Variants in IGFN1 observed in about 807,000 individuals in gnomAD.
IGFN1 encodes the protein immunoglobulin-like and fibronectin type III domain-containing protein 1.
In IGFN1, 253 loss-of-function variants were observed where a neutral mutation model predicts 289.5. The ratio of observed to expected loss-of-function variants is 0.87; its 90% CI spans 0.79 to 0.97. IGFN1 has a LOEUF of 0.97. Ranked by LOEUF, IGFN1 falls within the 50% of genes least tolerant of loss-of-function variation. The pLI is 0.00. For synonymous variants in IGFN1, 1,706 were observed against 1,788.5 expected, an observed-to-expected ratio of 0.95 and a Z score of 1.16; for missense variants, 4,470 against 4,686.1, an observed-to-expected ratio of 0.95 and a Z score of 1.35.
chr1:201,194,654 C>T (rs1666813336), intron 3 of IGFN1, among the ~76,000 whole-genome samples: 1 of 152,178 alleles, frequency 6.6e-6, no homozygotes, highest in Admixed American at 6.5e-5. Context: ...TGACTCTTCC[C>T]AATCCTCGCC....
intron 3 of IGFN1, 31 bp downstream of exon 3, chr1:201,194,304 G>A: frequency 6.5e-7 from 1 of 1,549,256 alleles, no homozygotes. Flanking sequence ...CGGAGGGGAG[G>A]CAAGATTCTT....
chr1:201,199,521 T>C, intron 6 of IGFN1, 88 bp from the exon 7 acceptor site: 1 of 1,447,934 alleles, frequency 6.9e-7, no homozygotes, highest in South Asian at 1.2e-5. Flanking sequence ...AAAGGCTCAG[T>C]TGTCAGCATG....
intron 9 of IGFN1, among the ~76,000 whole-genome samples, chr1:201,202,422 C>T (rs563360738): frequency 2.0e-5 from 3 of 152,198 alleles, no homozygotes; most frequent in African/African-American, 7.2e-5. Flanking sequence ...TGACTTGCCC[C>T]TCCCCTCACC....
chr1:201,218,765 G>A (rs1165079980), intron 18 of IGFN1, 107 bp downstream of exon 18: 1 of 1,125,484 alleles, frequency 8.9e-7, no homozygotes, highest in Non-Finnish European at 1.3e-6. Flanking sequence ...GGGCAGTCCT[G>A]AGGGAGATGG....
Position 201,211,861 on chromosome 1 carries a change from G to A in IGFN1, c.6968G>A (p.Arg2323Lys). 6.5e-7 allele frequency: 1 copy of A among 1,535,070 alleles called. No homozygotes were observed. The highest frequency in any genetic ancestry group is 2.4e-5 in the East Asian group (1 of 40,904). ...YILSWNEAGS[R>K]QGFGGTSGMG... ...TTGTCATGGAATGAGGCAGGTTCTA[G>A]GCAAGGCTTTGGGGGAACTAGTGGC... is the stretch of plus-strand genomic sequence containing the variant. Residue 2323 changes from arginine to lysine, a missense_variant, in exon 12 of 24, where the codon AGG becomes AAG. Physicochemically the swap from Arg to Lys is conservative, Grantham distance 26. Around this residue, in one of 8 missense-constraint regions of IGFN1, gnomAD observed 2,218 missense variants for 2,114.1 expected, o/e 1.05. Coordinates refer to ENST00000335211, the MANE Select transcript of IGFN1 (RefSeq NM_001164586.2).
At chr1:201,221,422 A>T in intron 18 of IGFN1, 22 bp from the exon 19 acceptor site, 1 of 1,519,396 alleles carries the variant, frequency 6.6e-7, no homozygotes. Context: ...GCCATTCCTG[A>T]CTCTCCCATG....
intron 18 of IGFN1, among the ~76,000 whole-genome samples, chr1:201,220,175 C>T (rs538020443): frequency 4.4e-4 from 23 of 52,168 alleles, no homozygotes; most frequent in African/African-American, 1.6e-3. Context: ...TCTTTCTATC[C>T]CTTTCTTTCT....
At position 201,205,089 on chromosome 1, in the gene IGFN1, C is replaced by G. The variant is rs777473357; in HGVS notation, c.924C>G (p.Pro308=). Residue 308 remains proline, a synonymous_variant, in exon 11 of 24, where the codon CCC becomes CCG. Transcript: ENST00000335211. ...FSTELEASAI[P]PRVVVPLAET... ...TTCCTATTTCCCCGGCAGCCATCCC[C>G]CCAAGAGTGGTGGTCCCACTGGCGG... 122 of 1,545,200 alleles carry G rather than the reference C, an allele frequency of 7.9e-5. No individual in the cohort carries two copies. The highest frequency in any genetic ancestry group is 1.7e-5 in the Non-Finnish European group (19 of 1,142,896).
At chr1:201,214,444 G>A (rs980222628) in intron 13 of IGFN1, 143 bp downstream of exon 13, 5 of 820,664 alleles carry the variant, frequency 6.1e-6, no homozygotes, top group African/African-American at 3.4e-5. Context: ...AGTTTAAATA[G>A]CCAATAACTT....
At position 201,216,216 on chromosome 1, in the gene IGFN1, TTC is replaced by T. The variant is rs1445628061; in HGVS notation, c.9296-237_9296-236del. The T allele has an allele frequency of 5.0e-6, 3 of 599,756 alleles. No individual in the cohort carries two copies. The African/African-American group carries it at 5.6e-5, about 11-fold the overall frequency. 37.2% of individuals were successfully genotyped at this position (599,756 alleles called of 1,614,324 possible). A position where few individuals can be genotyped will look rare whatever the true frequency, so the allele number is the denominator to read the frequency against. On this transcript the variant is annotated intron_variant, in intron 15 of 23. Transcript: ENST00000335211. ...GGTGGGGCCGGGAGGGGCTGGTGCA[TTC>T]CATGGCACATCCCTGGGTGCATGTG...
Position 201,212,294 on chromosome 1 carries a change from TG to T in IGFN1, c.7406del (p.Gly2469AlafsTer43). 1 of 1,536,290 alleles carries T rather than the reference TG, an allele frequency of 6.5e-7. No homozygotes were observed. Among genetic ancestry groups the T allele is most frequent in the Non-Finnish European group, 8.7e-7 (1 of 1,146,686 alleles). On this transcript the variant is annotated frameshift_variant, in exon 12 of 24. Transcript: ENST00000335211. LOFTEE classifies it high-confidence loss of function. ...ATGAGCGAGGCTCCACCAAAGATCT[TG>T]GGGGCTATGGAACTTCAGGGATCCC... ...SDERGSTKDL[G>X]GYGTSGIPEA...
chr1:201,217,167 C>G, intron 16 of IGFN1, 120 bp from the exon 17 acceptor site: 2 of 873,552 alleles, frequency 2.3e-6, no homozygotes, highest in Non-Finnish European at 3.6e-6. Context: ...CCCCGACACT[C>G]ACCAGGACAG....
intron 13 of IGFN1, 53 bp downstream of exon 13, chr1:201,214,354 G>T: frequency 6.5e-7 from 1 of 1,542,172 alleles, no homozygotes; most frequent in East Asian, 2.3e-5. Flanking sequence ...CAGAGGTAAA[G>T]CAGAGAGGGG....
At chr1:201,200,985 C>T (rs1256034002) in intron 8 of IGFN1, among the ~76,000 whole-genome samples, 2 of 152,090 alleles carry the variant, frequency 1.3e-5, no homozygotes, top group Admixed American at 6.5e-5. Context: ...GTGCCTGCCA[C>T]CACACCCAGC....
At chr1:201,199,415 T>G in intron 6 of IGFN1, 37 bp downstream of exon 6, 1 of 1,543,304 alleles carries the variant, frequency 6.5e-7, no homozygotes. Flanking sequence ...TGGGGGCCTG[T>G]GGGGGATAGG....
Position 201,212,622 on chromosome 1 carries a change from G to A in IGFN1, c.7729G>A (p.Gly2577Ser), listed in dbSNP as rs899308667. The change falls in exon 12 of 24, where the codon GGT (glycine) becomes AGT (serine). Residue 2577 changes from glycine to serine, a missense_variant. Coordinates refer to ENST00000335211, the MANE Select transcript of IGFN1 (RefSeq NM_001164586.2). ...CCAGGGGGGGTTGGCATCTCAGGGAGGTGGGGACTCACTTTTGGGAGGCAG... is the reference window on the plus strand; with the variant it reads ...CCAGGGGGGGTTGGCATCTCAGGGAAGTGGGGACTCACTTTTGGGAGGCAG... ...AGQGGLASQG[G>S]GDSLLGGRRV... 1.4e-5 allele frequency: 22 copies of A among 1,543,224 alleles called. No homozygotes were observed. Among genetic ancestry groups the A allele is most frequent in the Non-Finnish European group, 1.6e-5 (18 of 1,142,784 alleles).
At chr1:201,196,251 G>A (rs2102318274) in intron 4 of IGFN1, among the ~76,000 whole-genome samples, 1 of 152,274 alleles carries the variant, frequency 6.6e-6, no homozygotes, top group African/African-American at 2.4e-5. Context: ...ACAATCCCAG[G>A]CCCACCACCT....
chr1:201,208,325 C>G lies in IGFN1; in HGVS notation c.3432C>G (p.Gly1144=). The change falls in exon 12 of 24, where the codon GGC becomes GGG. Residue 1144 remains glycine (G), a synonymous_variant. Transcript: ENST00000335211. The stretch of plus-strand genomic sequence containing the variant: ...TTGGAGAAGGAGGCTATGAAGATGG[C>G]TCTGGGGGTCCAGGAGCCATGGGAC... ...GAFGEGGYED[G]SGGPGAMGPG... 1.3e-6 allele frequency: 2 copies of G among 1,502,830 alleles called. No homozygotes were observed. Among genetic ancestry groups the G allele is most frequent in the Middle Eastern group, 1.7e-4 (1 of 5,786 alleles). 93.1% of individuals were successfully genotyped at this position (1,502,830 alleles called of 1,614,324 possible).
Position 201,208,132 on chromosome 1 carries a change from C to T in IGFN1, c.3239C>T (p.Pro1080Leu). ...CATTCAGATGGTGGCCTAGGGAGTC[C>T]TGGGGTGACAGGGTCTGCGGGTAGA... ...GHHSDGGLGS[P>L]GVTGSAGRGG... Residue 1080 changes from proline (P) to leucine (L), a missense_variant, in exon 12 of 24, where the codon CCT becomes CTT. By Grantham distance (98) the Pro-to-Leu change is moderately conservative. Around this residue, in one of 8 missense-constraint regions of IGFN1, gnomAD observed 2,011 missense variants for 1,953.4 expected, o/e 1.03. Transcript: ENST00000335211. The T allele has an allele frequency of 1.3e-6, 2 of 1,536,970 alleles. No individual in the cohort carries two copies. The highest frequency in any genetic ancestry group is 1.7e-6 in the Non-Finnish European group (2 of 1,146,830).
Sources: allele counts gnomAD v4.1 joint callset (sites outside exome capture counted in the v4.1 genomes callset), GRCh38; gene constraint gnomAD v4.1.1; regional missense constraint gnomAD v4.1.1; transcripts MANE v1.5; gene names NCBI Gene and HGNC (gene_info 2026-07-23, HGNC 2026-07-21).